The following ARHGEF3 variants were observed in gnomAD, a reference collection of about 807,000 sequenced individuals.
ARHGEF3 encodes 59.8 kDA protein.
In ARHGEF3, 28 loss-of-function variants were observed where a neutral mutation model predicts 63.2. The ratio of observed to expected loss-of-function variants is 0.44; its 90% CI spans 0.33 to 0.61. The LOEUF is 0.61. Ranked by LOEUF, ARHGEF3 falls within the 20% of genes least tolerant of loss-of-function variation. ARHGEF3 has a pLI of 0.03. For missense variants in ARHGEF3, 533 were observed against 659.3 expected, an observed-to-expected ratio of 0.81 and a Z score of 2.10; for synonymous variants, 266 against 254.2, an observed-to-expected ratio of 1.05 and a Z score of -0.44.
intron 1 of ARHGEF3, among the ~76,000 whole-genome samples, chr3:57,072,244 T>C (rs757663851): frequency 3.3e-4 from 50 of 152,252 alleles, no homozygotes; most frequent in Non-Finnish European, 5.1e-4. Flanking sequence ...ACCATATACC[T>C]AGCAATTCCA....
intron 4 of ARHGEF3, among the ~76,000 whole-genome samples, chr3:56,825,335 A>G (rs1481801599): frequency 6.6e-6 from 1 of 152,242 alleles, no homozygotes; most frequent in East Asian, 1.9e-4. Flanking sequence ...GTGTGGAATG[A>G]GTTCTAAAAT....
rs550213375 is a variant in ARHGEF3 at position 56,866,262 on chromosome 3, C to A, written c.192+16030G>T. The stretch of plus-strand genomic sequence containing the variant: ...CCATTTTCAGGTCCATTCAGCACCT[C>A]CTGTTTAGTTTTTCCCTGTCTTGGA... On this transcript the variant is annotated intron_variant, in intron 4 of 12. Coordinates refer to the ARHGEF3 transcript ENST00000338458. Among the ~76,000 whole-genome samples, 8 of 152,300 alleles carry A rather than the reference C, an allele frequency of 5.3e-5. No homozygotes were observed. The East Asian group carries it at 1.5e-3, about 29-fold the overall frequency.
chr3:57,060,615 C>G (rs574987767), intron 1 of ARHGEF3: 2 of 152,254 alleles, frequency 1.3e-5, no homozygotes, highest in Non-Finnish European at 2.9e-5. Context: ...CACAAAGGCT[C>G]TGGTCCCGGG....
At position 56,753,620 on chromosome 3, in the gene ARHGEF3, T is replaced by C. The variant is rs2034899608; in HGVS notation, c.376-54A>G. On this transcript the variant is annotated intron_variant, in intron 3 of 9. Transcript: ENST00000296315. Reference sequence around the variant, plus strand: ...AATTCTCCCTTCATTTACAAGACCATATTCAAATAGTGCTGGCTCCACCAC... The same window carrying C: ...AATTCTCCCTTCATTTACAAGACCACATTCAAATAGTGCTGGCTCCACCAC... The C allele has an allele frequency of 5.9e-6, 9 of 1,526,304 alleles. No individual in the cohort carries two copies. In the Admixed American group the frequency reaches 6.8e-5, roughly 12 times the overall value. The allele number at this position is 1,526,304 out of a possible 1,614,324, so 94.5% of individuals were successfully genotyped here. A position where few individuals can be genotyped will look rare whatever the true frequency, so the allele number is the denominator to read the frequency against.
intron 2 of ARHGEF3, among the ~76,000 whole-genome samples, chr3:56,969,747 C>A (rs1359236812): frequency 1.5e-5 from 1 of 65,508 alleles, no homozygotes. Context: ...AGTGAGACTC[C>A]GTATCAAAAA....
At chr3:57,066,514 C>T (rs370101424) in intron 1 of ARHGEF3, among the ~76,000 whole-genome samples, 2 of 152,202 alleles carry the variant, frequency 1.3e-5, no homozygotes, top group African/African-American at 2.4e-5. Flanking sequence ...CCATCCGCCT[C>T]GGCCTCCCAA....
intron 4 of ARHGEF3, among the ~76,000 whole-genome samples, chr3:56,870,376 C>T (rs1008070929): frequency 2.5e-4 from 38 of 152,072 alleles, no homozygotes; most frequent in African/African-American, 8.9e-4. Flanking sequence ...TCTGAAAAGG[C>T]TATATACTGT....
intron 2 of ARHGEF3, among the ~76,000 whole-genome samples, chr3:57,012,940 CG>C (rs577890866): frequency 4.9e-4 from 75 of 152,350 alleles, no homozygotes; most frequent in African/African-American, 1.8e-3. Context: ...GCGTGAATTC[CG>C]GGTGGGTGCG....
intron 2 of ARHGEF3, among the ~76,000 whole-genome samples, chr3:56,963,341 T>G (rs1187559251): frequency 6.6e-6 from 1 of 152,200 alleles, no homozygotes; most frequent in Non-Finnish European, 1.5e-5. Flanking sequence ...GAGGCTCATA[T>G]TGGAGGGCCA....
chr3:57,068,168 TACAC>T (rs55876198), intron 1 of ARHGEF3, among the ~76,000 whole-genome samples: 1 of 148,980 alleles, frequency 6.7e-6, no homozygotes, highest in Non-Finnish European at 1.5e-5. Context: ...CACACACACA[TACAC>T]ACACACACAC....
intron 7 of ARHGEF3, among the ~76,000 whole-genome samples, chr3:56,743,539 T>G (rs1425999491): frequency 6.6e-6 from 1 of 152,196 alleles, no homozygotes; most frequent in African/African-American, 2.4e-5. Context: ...TAAGAACAGC[T>G]ATCTCCTAGG....
intron 2 of ARHGEF3, among the ~76,000 whole-genome samples, chr3:56,966,013 GA>G (rs1189897668): frequency 1.3e-5 from 2 of 151,690 alleles, no homozygotes; most frequent in African/African-American, 4.8e-5. Context: ...CTCAAAAAAA[GA>G]AAAAAATGAA....
intron 3 of ARHGEF3, among the ~76,000 whole-genome samples, chr3:56,951,023 G>A (rs1252516840): frequency 1.3e-5 from 2 of 151,564 alleles, no homozygotes; most frequent in East Asian, 3.9e-4. Flanking sequence ...GCAAACTATC[G>A]CAAGGACAAA....
At chr3:57,012,255 T>C (rs1027733318) in intron 2 of ARHGEF3, among the ~76,000 whole-genome samples, 25 of 152,280 alleles carry the variant, frequency 1.6e-4, no homozygotes, top group African/African-American at 5.8e-4. Flanking sequence ...TCTTTTGTTA[T>C]TGTTGTTGCT....
intron 1 of ARHGEF3, among the ~76,000 whole-genome samples, chr3:57,070,012 T>G: frequency 6.6e-6 from 1 of 152,186 alleles, no homozygotes; most frequent in East Asian, 1.9e-4. Flanking sequence ...AACTATGATG[T>G]GAGTGAATTG....
intron 1 of ARHGEF3, among the ~76,000 whole-genome samples, chr3:56,786,031 T>A (rs2036790133): frequency 6.6e-6 from 1 of 152,212 alleles, no homozygotes; most frequent in Non-Finnish European, 1.5e-5. Context: ...AACTCCCAGC[T>A]GTCCCTTCTA....
At position 56,997,329 on chromosome 3, in the gene ARHGEF3, G is replaced by A. The variant is rs9820668; in HGVS notation, c.62+37759C>T. On this transcript the variant is annotated intron_variant, in intron 2 of 12. Coordinates refer to the ARHGEF3 transcript ENST00000338458. Reference sequence around the variant, plus strand: ...CTCACATGCCCTGTGGGGAGGTCCTGCAGAGCAGGGTCCACATTTGGTCAC... The same window carrying A: ...CTCACATGCCCTGTGGGGAGGTCCTACAGAGCAGGGTCCACATTTGGTCAC... 7.8e-3 allele frequency among the ~76,000 whole-genome samples: 1,195 copies of A among 152,290 alleles called. 15 individuals are homozygous for A. The highest frequency in any genetic ancestry group is 0.027 in the African/African-American group (1,141 of 41,548).
intron 3 of ARHGEF3, among the ~76,000 whole-genome samples, chr3:56,891,530 AC>A (rs2041120730): frequency 6.6e-6 from 1 of 152,132 alleles, no homozygotes; most frequent in African/African-American, 2.4e-5. Flanking sequence ...GTGCTCAGAT[AC>A]CACTAACTAT....
intron 3 of ARHGEF3, among the ~76,000 whole-genome samples, chr3:56,886,288 C>T (rs2040923376): frequency 6.6e-6 from 1 of 152,180 alleles, no homozygotes; most frequent in South Asian, 2.1e-4. Context: ...CAGCCAGCTT[C>T]CCTTAAAATA....
Sources: gnomAD v4.1 joint callset for allele counts (sites outside exome capture counted in the v4.1 genomes callset) on GRCh38, gnomAD v4.1.1 for gene constraint, MANE v1.5 for transcripts, NCBI Gene and HGNC (gene_info 2026-07-23, HGNC 2026-07-21) for gene names.